The following RBFOX2 variants were observed in gnomAD, a reference collection of about 807,000 sequenced individuals.
RBFOX2 encodes the protein RNA binding fox-1 homolog 2.
In RBFOX2, 10 loss-of-function variants were observed where a neutral mutation model predicts 49.1. The observed-to-expected ratio is 0.20, with a 90% CI of 0.13 to 0.35. The LOEUF is 0.35. Ranked by LOEUF, RBFOX2 falls within the 10% of genes least tolerant of loss-of-function variation. The pLI is 1.00. For missense variants in RBFOX2, 323 were observed against 486.9 expected (o/e 0.66, Z 3.17); for synonymous variants, 183 against 187.4 (o/e 0.98, Z 0.19).
chr22:36,028,107 GCCCCGAATGGCC>G, intron 1 of RBFOX2, 121 bp downstream of exon 1: 2 of 1,285,024 alleles, frequency 1.6e-6, no homozygotes, highest in Non-Finnish European at 2.0e-6. Flanking sequence ...TTCCAACCAG[GCCCCGAATGGCC>G]CCCCATCCCA....
intron 1 of RBFOX2, chr22:35,997,044 G>C (rs1278443354): frequency 6.6e-6 from 1 of 152,316 alleles, no homozygotes; most frequent in Non-Finnish European, 1.5e-5. Context: ...GGGAAGAATA[G>C]GGATTTACTG....
intron 1 of RBFOX2, among the ~76,000 whole-genome samples, chr22:35,909,925 T>C (rs2049592583): frequency 6.6e-6 from 1 of 152,216 alleles, no homozygotes; most frequent in South Asian, 2.1e-4. Flanking sequence ...ACTTTCTTTT[T>C]TAGGCAGAAA....
intron 1 of RBFOX2, among the ~76,000 whole-genome samples, chr22:35,982,148 A>ATT (rs2057486803): frequency 1.3e-5 from 2 of 152,144 alleles, no homozygotes; most frequent in African/African-American, 4.8e-5. Flanking sequence ...ATTCCAGGGG[A>ATT]ATAGATAATC....
chr22:35,880,803 T>C (rs2045775815), intron 1 of RBFOX2, among the ~76,000 whole-genome samples: 1 of 152,124 alleles, frequency 6.6e-6, no homozygotes, highest in Non-Finnish European at 1.5e-5. Flanking sequence ...ACTTTTACTT[T>C]TTAACTATTC....
At chr22:35,898,120 C>T (rs545650220) in intron 1 of RBFOX2, 167 of 742,366 alleles carry the variant, frequency 2.2e-4, no homozygotes, top group African/African-American at 1.1e-3. Context: ...TCCCATGGGA[C>T]GAAGGTGCAT....
intron 2 of RBFOX2, among the ~76,000 whole-genome samples, chr22:35,792,814 A>G (rs1948022707): frequency 1.3e-5 from 2 of 152,256 alleles, no homozygotes; most frequent in Admixed American, 6.5e-5. Flanking sequence ...TTTCCTTACA[A>G]TATTTTACAA....
chr22:35,937,969 T>C (rs755066715), intron 1 of RBFOX2, among the ~76,000 whole-genome samples: 6 of 152,230 alleles, frequency 3.9e-5, no homozygotes, highest in African/African-American at 1.4e-4. Context: ...ATGAACTCTT[T>C]CGTTTAGCAC....
intron 1 of RBFOX2, among the ~76,000 whole-genome samples, chr22:35,969,817 C>A (rs184785018): frequency 9.2e-5 from 14 of 152,168 alleles, no homozygotes; most frequent in African/African-American, 2.9e-4. Context: ...TTATATATAA[C>A]TCAGAATGTG....
chr22:35,793,528 G>A (rs1948190946), intron 2 of RBFOX2, among the ~76,000 whole-genome samples: 1 of 152,104 alleles, frequency 6.6e-6, no homozygotes, highest in Non-Finnish European at 1.5e-5. Context: ...TAGCCCACAT[G>A]CTTAGCTACT....
chr22:35,943,659 G>T (rs902166889), upstream of RBFOX2, among the ~76,000 whole-genome samples: 1 of 152,180 alleles, frequency 6.6e-6, no homozygotes, highest in African/African-American at 2.4e-5. Flanking sequence ...AGCACTTTGC[G>T]AGGCTGAGGT....
chr22:35,781,812 C>G (rs139670937), intron 2 of RBFOX2, 66 bp from the exon 4 acceptor site: 9 of 1,596,920 alleles, frequency 5.6e-6, no homozygotes, highest in African/African-American at 1.3e-5. Context: ...GTTATCCCCC[C>G]ACAGCAATCA....
chr22:35,970,231 T>C (rs1214829942), intron 1 of RBFOX2, among the ~76,000 whole-genome samples: 1 of 152,168 alleles, frequency 6.6e-6, no homozygotes, highest in Non-Finnish European at 1.5e-5. Flanking sequence ...ATTATTCCTA[T>C]AGCATCAAAA....
At chr22:36,004,571 A>T (rs1174989690) in intron 1 of RBFOX2, among the ~76,000 whole-genome samples, 1 of 152,078 alleles carries the variant, frequency 6.6e-6, no homozygotes, top group Non-Finnish European at 1.5e-5. Flanking sequence ...CGAGGTGGGT[A>T]GATCACCTGA....
At chr22:35,950,086 G>A (rs2054741298) in intron 1 of RBFOX2, among the ~76,000 whole-genome samples, 1 of 146,948 alleles carries the variant, frequency 6.8e-6, no homozygotes, top group Non-Finnish European at 1.5e-5. Flanking sequence ...GTTAATTTTG[G>A]TATTGATGTA....
At chr22:35,942,961 C>T (rs527869878), upstream of RBFOX2, among the ~76,000 whole-genome samples, 55 of 152,248 alleles carry the variant, frequency 3.6e-4, no homozygotes, top group African/African-American at 1.3e-3. Flanking sequence ...TTAGTCCTCA[C>T]AATGCATAAA....
In RBFOX2 at chr22:35,850,704, T is replaced by A. The variant is rs114820377; in HGVS notation, c.-33-40700A>T. On this transcript the variant is annotated intron_variant, in intron 1 of 13. Transcript: ENST00000359369. ...CAGATATTAAAAGCAGTAACAAACATGGACAGGTGTTAGGTTTGTCTGACA... is the reference window on the plus strand; with the variant it reads ...CAGATATTAAAAGCAGTAACAAACAAGGACAGGTGTTAGGTTTGTCTGACA... Among the ~76,000 whole-genome samples, 534 of 152,164 alleles carry A rather than the reference T, an allele frequency of 3.5e-3. 1 individual carries two copies. The highest frequency in any genetic ancestry group is 0.011 in the African/African-American group (474 of 41,526).
chr22:35,888,583 T>C (rs1163277085), intron 1 of RBFOX2, among the ~76,000 whole-genome samples: 1 of 152,188 alleles, frequency 6.6e-6, no homozygotes, highest in Non-Finnish European at 1.5e-5. Flanking sequence ...AGTGTGGCAC[T>C]GGCACCTGCA....
chr22:35,785,919 T>C (rs1246344954), intron 2 of RBFOX2, among the ~76,000 whole-genome samples: 2 of 152,196 alleles, frequency 1.3e-5, no homozygotes, highest in Non-Finnish European at 2.9e-5. Flanking sequence ...AAGCATCAAT[T>C]ACAACTAATG....
At chr22:35,835,030 T>C (rs1291304889) in intron 1 of RBFOX2, among the ~76,000 whole-genome samples, 1 of 152,194 alleles carries the variant, frequency 6.6e-6, no homozygotes, top group African/African-American at 2.4e-5. Flanking sequence ...GCAGCATTTC[T>C]CACTGCCTAG....
Sources: allele counts gnomAD v4.1 joint callset (sites outside exome capture counted in the v4.1 genomes callset), GRCh38; gene constraint gnomAD v4.1.1; transcripts MANE v1.5; gene names NCBI Gene and HGNC (gene_info 2026-07-23, HGNC 2026-07-21).